CARD16: variants seen among roughly 807,000 people sequenced by gnomAD.
CARD16 encodes the protein caspase recruitment domain family member 16.
Under a neutral mutation model 11.9 loss-of-function variants are expected in CARD16, and 8 were observed. The observed-to-expected ratio is 0.67, with a 90% CI of 0.39 to 1.21. The LOEUF is 1.21. Among genes scored for constraint, CARD16 ranks in the 50% most tolerant of loss-of-function variants. The pLI is 0.01. For synonymous variants in CARD16, 44 were observed against 43.8 expected, an observed-to-expected ratio of 1.00 and a Z score of -0.02; for missense variants, 131 against 118.1, an observed-to-expected ratio of 1.11 and a Z score of -0.51.
In CARD16 at chr11:105,044,589, A is replaced by C; in HGVS notation, c.77T>G (p.Leu26Arg). Reference protein sequence around the residue: ...SMGEGTINGLLDELLQTRVLN... With the variant: ...SMGEGTINGLRDELLQTRVLN... The stretch of plus-strand genomic sequence containing the variant: ...CACCCTTGTCTGTAATAATTCATCC[A>C]GTAAGCCATTTATTGTACCTTCACC... Residue 26 changes from leucine to arginine, a missense_variant, in exon 2 of 4, where the codon CTG becomes CGG. Leu to Arg is a moderately radical substitution (Grantham distance 102). Transcript: ENST00000673097. The C allele has an allele frequency of 6.2e-7, 1 of 1,614,162 alleles. No homozygotes were observed. Among genetic ancestry groups the C allele is most frequent in the South Asian group, 1.1e-5 (1 of 91,078 alleles).
chr11:105,044,833 A>C, intron 1 of CARD16, 175 bp from the exon 2 acceptor site: 3 of 1,175,154 alleles, frequency 2.6e-6, no homozygotes, highest in East Asian at 4.8e-5. Context: ...AGTAGTCCCC[A>C]TATATGTGCA....
chr11:105,044,337 G>A (rs1247909037), intron 2 of CARD16, 55 bp downstream of exon 2: 7 of 1,610,132 alleles, frequency 4.3e-6, no homozygotes, highest in Admixed American at 1.7e-5. Flanking sequence ...GAAATCAAAT[G>A]TTAGGCACGA....
intron 3 of CARD16, 104 bp downstream of exon 3, chr11:105,043,379 C>G (rs376068204): frequency 5.3e-6 from 4 of 761,404 alleles, no homozygotes; most frequent in African/African-American, 1.8e-5. Context: ...TATGATCAGT[C>G]TATGGGAATT....
At position 105,041,843 on chromosome 11, in the gene CARD16, A is replaced by G. The variant is rs1348496744; in HGVS notation, c.*44-124T>C. On this transcript the variant is annotated intron_variant, in intron 3 of 3. Coordinates refer to ENST00000673097, the MANE Select transcript of CARD16 (RefSeq NM_052889.4). ...GGACAATCCTAATCTAGTCATTAAC[A>G]TAGTTGAGTGCGTTTGCTGCTAATG... 6.7e-6 allele frequency: 6 copies of G among 899,038 alleles called. 1 individual carries two copies. In the South Asian group the frequency reaches 8.6e-5, roughly 13 times the overall value. 55.7% of individuals were successfully genotyped at this position (899,038 alleles called of 1,614,324 possible).
At chr11:105,042,799 G>A (rs1864133902) in intron 3 of CARD16, among the ~76,000 whole-genome samples, 1 of 152,130 alleles carries the variant, frequency 6.6e-6, no homozygotes, top group South Asian at 2.1e-4. Flanking sequence ...ATCCCATGCT[G>A]TGAAACATTT....
intron 3 of CARD16, among the ~76,000 whole-genome samples, chr11:105,042,037 G>C (rs1464526567): frequency 6.6e-6 from 1 of 152,166 alleles, no homozygotes; most frequent in East Asian, 1.9e-4. Context: ...ATATAAAATA[G>C]TTAAAATATG....
chr11:105,044,141 C>A, intron 2 of CARD16: 1 of 594,458 alleles, frequency 1.7e-6, no homozygotes, highest in South Asian at 2.1e-5. Context: ...CTAGATAGTT[C>A]TCATGACCTT....
chr11:105,044,221 G>A, intron 2 of CARD16, 171 bp downstream of exon 2: 1 of 1,045,548 alleles, frequency 9.6e-7, no homozygotes, highest in Non-Finnish European at 1.4e-6. Context: ...TGAGGATGAA[G>A]GAACACAAAA....
Position 105,041,661 on chromosome 11 carries a change from T to C in CARD16, c.*102A>G. The C allele has an allele frequency of 1.2e-6, 2 of 1,614,050 alleles. No individual in the cohort carries two copies. Among genetic ancestry groups the C allele is most frequent in the Non-Finnish European group, 1.7e-6 (2 of 1,179,934 alleles). ...CGTCTTCTAGAAAGCAAAGCTTGAT[T>C]CTGCCTTCTGGGCTTGAGCATGTGG... On this transcript the variant is annotated 3_prime_UTR_variant, in exon 4 of 4. Coordinates refer to ENST00000673097, the MANE Select transcript of CARD16 (RefSeq NM_052889.4).
chr11:105,043,426 A>G (rs1864142710), intron 3 of CARD16, 57 bp downstream of exon 3: 2 of 1,221,766 alleles, frequency 1.6e-6, no homozygotes, highest in Admixed American at 1.8e-5. Context: ...ATTCCACTAA[A>G]TTAATGTTAA....
chr11:105,043,821 A>G, intron 2 of CARD16: 1 of 373,388 alleles, frequency 2.7e-6, no homozygotes, highest in East Asian at 4.6e-5. Context: ...CAGCTTGGCA[A>G]CAGACAAGCA....
At chr11:105,044,834 T>C in intron 1 of CARD16, 176 bp from the exon 2 acceptor site, 5 of 1,174,208 alleles carry the variant, frequency 4.3e-6, no homozygotes, top group Non-Finnish European at 6.0e-6. Context: ...GTAGTCCCCA[T>C]ATATGTGCAT....
In CARD16 at chr11:105,042,461, A is replaced by C. The variant is rs185724439; in HGVS notation, c.*44-742T>G. The stretch of plus-strand genomic sequence containing the variant: ...TGACAATGTGATGCACTTGTTAAAA[A>C]ATTAATGTGATGTTTGTTTCAAGAT... On this transcript the variant is annotated intron_variant, in intron 3 of 3. Coordinates refer to ENST00000673097, the MANE Select transcript of CARD16 (RefSeq NM_052889.4). 6.2e-3 allele frequency among the ~76,000 whole-genome samples: 950 copies of C among 152,302 alleles called. 7 individuals carry two copies. The highest frequency in any genetic ancestry group is 0.014 in the Middle Eastern group (4 of 294).
chr11:105,045,331 A>G lies in CARD16; in HGVS notation c.-34T>C. 1 of 1,613,936 alleles carries G rather than the reference A, an allele frequency of 6.2e-7. No individual in the cohort carries two copies. Among genetic ancestry groups the G allele is most frequent in the Non-Finnish European group, 8.5e-7 (1 of 1,179,848 alleles). On this transcript the variant is annotated 5_prime_UTR_variant, in exon 1 of 4. Transcript: ENST00000673097. ...TCTCCTACCCTTCTTGTGTGGGCTGAAACTGAAAGTATGTTTCGCCTTCCT... is the reference window on the plus strand; with the variant it reads ...TCTCCTACCCTTCTTGTGTGGGCTGGAACTGAAAGTATGTTTCGCCTTCCT...
rs536998270 is a variant in CARD16, at chr11:105,044,477, C to T, written c.189G>A (p.Pro63=). Residue 63 remains proline, a synonymous_variant, in exon 2 of 4, where the codon CCG becomes CCA. Transcript: ENST00000673097. The part of the protein sequence containing the change: ...KTRALIDSVI[P]KGAQACQICI... ...AAATTTGGCATGCCTGTGCCCCTTT[C>T]GGAATAACGGAGTCAATCAAAGCTC... The T allele has an allele frequency of 2.5e-5, 41 of 1,614,096 alleles. No individual in the cohort carries two copies. The Admixed American group carries it at 5.0e-4, about 20-fold the overall frequency.
intron 3 of CARD16, among the ~76,000 whole-genome samples, chr11:105,042,872 A>C (rs1369397911): frequency 6.6e-6 from 1 of 152,220 alleles, no homozygotes; most frequent in Non-Finnish European, 1.5e-5. Flanking sequence ...TGAACTTGAT[A>C]AAAACATGCA....
At position 105,044,383 on chromosome 11, in the gene CARD16, G is replaced by T; in HGVS notation, c.274+9C>A. 6.2e-7 allele frequency: 1 copy of T among 1,613,920 alleles called. No homozygotes were observed. Among genetic ancestry groups the T allele is most frequent in the South Asian group, 1.1e-5 (1 of 91,078 alleles). On this transcript the variant is annotated intron_variant, in intron 2 of 3. Coordinates refer to ENST00000673097, the MANE Select transcript of CARD16 (RefSeq NM_052889.4). ...TAGGTGAACTTGAGTGTGAGTCACTGACCCTTACCTGCTGAGAGTCCCAGC... is the reference window on the plus strand; with the variant it reads ...TAGGTGAACTTGAGTGTGAGTCACTTACCCTTACCTGCTGAGAGTCCCAGC...
intron 3 of CARD16, 54 bp from the exon 4 acceptor site, chr11:105,041,773 C>T (rs1335556348): frequency 6.5e-7 from 1 of 1,533,552 alleles, no homozygotes; most frequent in Non-Finnish European, 9.0e-7. Context: ...GTTCTTATAG[C>T]CTCACCTATG....
chr11:105,042,504 A>C (rs190482648), intron 3 of CARD16, among the ~76,000 whole-genome samples: 84 of 152,326 alleles, frequency 5.5e-4, no homozygotes, highest in African/African-American at 1.9e-3. Flanking sequence ...AGGTTTCTAG[A>C]TATCCAGAGG....
Sources: allele counts gnomAD v4.1 joint callset (sites outside exome capture counted in the v4.1 genomes callset), GRCh38; gene constraint gnomAD v4.1.1; transcripts MANE v1.5; gene names NCBI Gene and HGNC (gene_info 2026-07-23, HGNC 2026-07-21).